EEF2: variants seen among roughly 807,000 people sequenced by gnomAD.
EEF2 encodes eukaryotic translation elongation factor 2, also known as elongation factor 2.
Under a neutral mutation model 85.3 loss-of-function variants are expected in EEF2, and 21 were observed. That is an observed-to-expected ratio of 0.25 (90% CI 0.17 to 0.35). The LOEUF (loss-of-function observed/expected upper bound fraction) is 0.35, where lower values mean the gene tolerates loss of function less well. Among genes scored for constraint, EEF2 ranks in the 10% least tolerant of loss-of-function variants. The probability of loss-of-function intolerance (pLI) is 1.00; values close to 1 mark genes in which losing one functional copy is unlikely to be tolerated. For synonymous variants in EEF2, 723 were observed against 508.8 expected (o/e 1.42, Z -5.67); for missense variants, 825 against 1,225.3 (o/e 0.67, Z 4.88).
In EEF2 at chr19:3,977,070, A is replaced by G. The variant is rs1227422700; in HGVS notation, c.2383+145T>C. 8.1e-7 allele frequency: 1 copy of G among 1,239,572 alleles called. No individual in the cohort carries two copies. Among genetic ancestry groups the G allele is most frequent in the Non-Finnish European group, 1.1e-6 (1 of 910,210 alleles). The allele number at this position is 1,239,572 out of a possible 1,614,324, so 76.8% of individuals were successfully genotyped here. A position where few individuals can be genotyped will look rare whatever the true frequency, so the allele number is the denominator to read the frequency against. ...GAATTCAGTGATTTAGGGGGTCCAC[A>G]AGCTGTCAGAAACTGGACCACCTGC... On this transcript the variant is annotated intron_variant, in intron 14 of 14. Coordinates refer to ENST00000309311, the MANE Select transcript of EEF2 (RefSeq NM_001961.4). This position sits in a 1 kb window ranked among gnomAD's most constrained non-coding sequence, Gnocchi z 5.4.
In EEF2 at chr19:3,984,240, G is replaced by A. The variant is rs770735931; in HGVS notation, c.114C>T (p.Ser38=). The change falls in exon 2 of 15, where the codon TCC becomes TCT. Residue 38 remains serine, a synonymous_variant. Coordinates refer to ENST00000309311, the MANE Select transcript of EEF2 (RefSeq NM_001961.4). Reference sequence around the variant, plus strand: ...CGATGATGCCCGCCTTGCACACCAGGGAGTCTGTCAGCGTGGACTTGCCAT... The same window carrying A: ...CGATGATGCCCGCCTTGCACACCAGAGAGTCTGTCAGCGTGGACTTGCCAT... The part of the protein sequence containing the change: ...VDHGKSTLTD[S]LVCKAGIIAS... 5.0e-6 allele frequency: 8 copies of A among 1,614,162 alleles called. No homozygotes were observed. Among genetic ancestry groups the A allele is most frequent in the East Asian group, 2.2e-5 (1 of 44,880 alleles).
Position 3,984,327 on chromosome 19 carries a change from G to A in EEF2, c.27C>T (p.Ile9=), listed in dbSNP as rs2039792485. The A allele has an allele frequency of 6.2e-7, 1 of 1,614,086 alleles. No homozygotes were observed. The highest frequency in any genetic ancestry group is 1.7e-5 in the Admixed American group (1 of 60,014). Residue 9 remains isoleucine (I), a synonymous_variant, in exon 2 of 15, where the codon ATC becomes ATT. Transcript: ENST00000309311. ...TGGCCTTCTTGTCCATGATGGCGCG[G>A]ATCTGGTCTACCGTGAAGTTCACCT... MVNFTVDQ[I]RAIMDKKANI...
chr19:3,976,522 C>T lies in EEF2; in HGVS notation c.*32G>A. On this transcript the variant is annotated 3_prime_UTR_variant, in exon 15 of 15. Coordinates refer to ENST00000309311, the MANE Select transcript of EEF2 (RefSeq NM_001961.4). ...CGTGGTGCTGTGGGTGCTGCGAGTC[C>T]CCGGGGCGGCAGGCGCTGCAGGAAG... 4 of 1,573,556 alleles carry T rather than the reference C, an allele frequency of 2.5e-6. No homozygotes were observed. The highest frequency in any genetic ancestry group is 1.3e-5 in the African/African-American group (1 of 74,082).
chr19:3,980,206 G>T, intron 9 of EEF2, 140 bp from the exon 10 acceptor site: 1 of 1,250,582 alleles, frequency 8.0e-7, no homozygotes, highest in Non-Finnish European at 1.1e-6. Context: ...GGCCCTGACT[G>T]CTGCGTCGGG....
intron 1 of EEF2, among the ~76,000 whole-genome samples, chr19:3,984,580 A>C (rs1325069704): frequency 6.6e-6 from 1 of 152,192 alleles, no homozygotes; most frequent in Non-Finnish European, 1.5e-5. Context: ...CAGAAATAAA[A>C]GTGCTCAGGA....
chr19:3,979,484 G>A (rs1265393250), intron 10 of EEF2, 48 bp from the exon 11 acceptor site: 1 of 1,494,458 alleles, frequency 6.7e-7, no homozygotes, highest in South Asian at 1.2e-5. Context: ...GCTCGGAACA[G>A]GCGGGACCAG....
rs76689616 is a variant in EEF2 at position 3,976,165 on chromosome 19, C to G, written c.*389G>C. On this transcript the variant is annotated 3_prime_UTR_variant, in exon 15 of 15. Transcript: ENST00000309311. ...GCTAGAAATCATCTACCCGCGTGTT[C>G]CTTTCCCCTTTCTGGGGCAAAAGCC... 2.2e-3 allele frequency: 530 copies of G among 241,982 alleles called. 21 individuals are homozygous for G. The East Asian group carries it at 0.064, about 29-fold the overall frequency. 15.0% of individuals were successfully genotyped at this position (241,982 alleles called of 1,614,324 possible).
chr19:3,980,524 G>A lies in EEF2; in HGVS notation c.1336C>T (p.Pro446Ser). 1 of 1,613,236 alleles carries A rather than the reference G, an allele frequency of 6.2e-7. No homozygotes were observed. Among genetic ancestry groups the A allele is most frequent in the Non-Finnish European group, 8.5e-7 (1 of 1,179,376 alleles). ...CACCCAGCTGCTCACCTCTGGATTGGCTTCAGGTAGAGGTCCTCCTTCTTC... is the reference window on the plus strand; with the variant it reads ...CACCCAGCTGCTCACCTCTGGATTGACTTCAGGTAGAGGTCCTCCTTCTTC... ...PGKKEDLYLK[P>S]IQRTILMMGR... Residue 446 changes from proline to serine, a missense_variant, in exon 9 of 15, where the codon CCA becomes TCA. Coordinates refer to ENST00000309311, the MANE Select transcript of EEF2 (RefSeq NM_001961.4).
Position 3,980,966 on chromosome 19 carries a change from C to T in EEF2, c.1025G>A (p.Arg342His), listed in dbSNP as rs532030743. ...CAAGGCGTCTCCGGCAGGCAGCCAG[C>T]GGCGCATCACAGCCTGCGGGGGCAG... Reference protein sequence around the residue: ...GKPLLKAVMRRWLPAGDALLQ... With the variant: ...GKPLLKAVMRHWLPAGDALLQ... Residue 342 changes from arginine (R) to histidine (H), a missense_variant, in exon 8 of 15, where the codon CGC (arginine) becomes CAC (histidine). Coordinates refer to ENST00000309311, the MANE Select transcript of EEF2 (RefSeq NM_001961.4). 1.3e-5 allele frequency: 21 copies of T among 1,572,940 alleles called. No homozygotes were observed. Among genetic ancestry groups the T allele is most frequent in the African/African-American group, 2.7e-5 (2 of 74,176 alleles).
In EEF2 at chr19:3,977,407, C is replaced by T. The variant is rs759052423; in HGVS notation, c.2250+21G>A. 61 of 1,586,206 alleles carry T rather than the reference C, an allele frequency of 3.8e-5. No homozygotes were observed. Among genetic ancestry groups the T allele is most frequent in the South Asian group, 1.5e-4 (13 of 87,584 alleles). On this transcript the variant is annotated intron_variant, in intron 13 of 14. Coordinates refer to ENST00000309311, the MANE Select transcript of EEF2 (RefSeq NM_001961.4). The surrounding 1 kb of genome is among the most constrained non-coding windows in gnomAD (Gnocchi z 5.4). ...CTGGGCAGGACGGTGGCAGGGTCAG[C>T]GGTGGGCGGGTAGACCTCACCTGGA...
rs758028986 is a variant in EEF2 at position 3,976,642 on chromosome 19, C to A, written c.2489G>T (p.Arg830Leu). ...GGTCTCCGCCACCACCTGGCTGGGGCGGCTGCTGTTGTCGAAGGGGTCTCC... is the reference window on the plus strand; with the variant it reads ...GGTCTCCGCCACCACCTGGCTGGGGAGGCTGCTGTTGTCGAAGGGGTCTCC... Reference protein sequence around the residue: ...LPGDPFDNSSRPSQVVAETRK... With the variant: ...LPGDPFDNSSLPSQVVAETRK... Residue 830 changes from arginine (R) to leucine (L), a missense_variant, in exon 15 of 15, where the codon CGC becomes CTC. By Grantham distance (102) the Arg-to-Leu change is moderately radical (BLOSUM62 -2). Transcript: ENST00000309311. 3.1e-6 allele frequency: 5 copies of A among 1,609,738 alleles called. No individual in the cohort carries two copies. Among genetic ancestry groups the A allele is most frequent in the Non-Finnish European group, 4.2e-6 (5 of 1,178,618 alleles).
chr19:3,978,874 C>T (rs1486990405), intron 11 of EEF2, among the ~76,000 whole-genome samples: 1 of 143,962 alleles, frequency 6.9e-6, no homozygotes, highest in Non-Finnish European at 1.5e-5. Context: ...GTAATCCCAG[C>T]ACTTTGGGAG....
intron 4 of EEF2, 27 bp downstream of exon 4, chr19:3,982,780 C>T (rs1260536795): frequency 1.3e-6 from 2 of 1,596,124 alleles, no homozygotes; most frequent in South Asian, 1.1e-5. Context: ...TGCGGCAAGC[C>T]CACCACCCAG....
chr19:3,978,590 G>A (rs185407417), intron 11 of EEF2, among the ~76,000 whole-genome samples: 2 of 151,904 alleles, frequency 1.3e-5, no homozygotes, highest in East Asian at 1.9e-4. Flanking sequence ...TGGATCACGA[G>A]GTCAGGAGAT....
At chr19:3,980,199 C>A in intron 9 of EEF2, 133 bp from the exon 10 acceptor site, 3 of 1,311,784 alleles carry the variant, frequency 2.3e-6, no homozygotes, top group Non-Finnish European at 3.1e-6. Context: ...TCCACAAGGC[C>A]CTGACTGCTG....
Position 3,985,426 on chromosome 19 carries a change from G to A in EEF2, c.-46C>T, listed in dbSNP as rs190787427. On this transcript the variant is annotated 5_prime_UTR_variant, in exon 1 of 15. Transcript: ENST00000309311. ...TCTCCCAGGTAGAACCGAAAGAAGC[G>A]AGTCGCGCCGAGGATGGCGGCGACG... The A allele has an allele frequency of 3.9e-5, 57 of 1,465,346 alleles. No individual in the cohort carries two copies. Among genetic ancestry groups the A allele is most frequent in the African/African-American group, 8.7e-5 (6 of 69,274 alleles). The allele number at this position is 1,465,346 out of a possible 1,614,324, so 90.8% of individuals were successfully genotyped here.
chr19:3,984,404 G>A, intron 1 of EEF2, 54 bp from the exon 2 acceptor site: 4 of 1,579,858 alleles, frequency 2.5e-6, no homozygotes, highest in Non-Finnish European at 2.6e-6. Flanking sequence ...AACACAGCAT[G>A]GCACGGAGCG....
At position 3,977,408 on chromosome 19, in the gene EEF2, G is replaced by C; in HGVS notation, c.2250+20C>G. 1 of 1,586,904 alleles carries C rather than the reference G, an allele frequency of 6.3e-7. No individual in the cohort carries two copies. The highest frequency in any genetic ancestry group is 1.1e-5 in the South Asian group (1 of 87,700). ...TGGGCAGGACGGTGGCAGGGTCAGC[G>C]GTGGGCGGGTAGACCTCACCTGGAT... On this transcript the variant is annotated intron_variant, in intron 13 of 14. Transcript: ENST00000309311. This position sits in a 1 kb window ranked among gnomAD's most constrained non-coding sequence, Gnocchi z 5.4.
In EEF2 at chr19:3,977,553, G is replaced by A. The variant is rs141817922; in HGVS notation, c.2125C>T (p.Leu709=). The change falls in exon 13 of 15, where the codon CTG becomes TTG. Residue 709 remains leucine, a synonymous_variant. Coordinates refer to ENST00000309311, the MANE Select transcript of EEF2 (RefSeq NM_001961.4). This position sits in a 1 kb window ranked among gnomAD's most constrained non-coding sequence, Gnocchi z 5.4. Reference sequence around the variant, plus strand: ...CCGCGGTGGATGGCGTCGGCGTGCAGGGTGACGTCGTGGACGTCGAAGCGC... The same window carrying A: ...CCGCGGTGGATGGCGTCGGCGTGCAAGGTGACGTCGTGGACGTCGAAGCGC... ...GVRFDVHDVT[L]HADAIHRGGG... is the part of the protein sequence containing the mutation. The A allele has an allele frequency of 4.4e-6, 7 of 1,582,210 alleles. No individual in the cohort carries two copies. Among genetic ancestry groups the A allele is most frequent in the African/African-American group, 4.0e-5 (3 of 74,596 alleles).
Sources: gnomAD v4.1 joint callset for allele counts (sites outside exome capture counted in the v4.1 genomes callset) on GRCh38, gnomAD v4.1.1 for gene constraint, Gnocchi (gnomAD v3.1) non-coding constraint, MANE v1.5 for transcripts, NCBI Gene and HGNC (gene_info 2026-07-23, HGNC 2026-07-21) for gene names.